The following UBE2E2 variants were observed in gnomAD, a reference collection of about 807,000 sequenced individuals.
UBE2E2 encodes the protein ubiquitin-conjugating enzyme E2 E2.
Under a neutral mutation model 24.7 loss-of-function variants are expected in UBE2E2, and 6 were observed. The observed-to-expected ratio is 0.24, with a 90% CI of 0.13 to 0.48. The LOEUF (loss-of-function observed/expected upper bound fraction) is 0.48. UBE2E2 is among the 20% of genes least tolerant of loss of function. The pLI is 0.99. For missense variants in UBE2E2, 169 were observed against 245.0 expected, an observed-to-expected ratio of 0.69 and a Z score of 2.07; for synonymous variants, 104 against 83.6, an observed-to-expected ratio of 1.24 and a Z score of -1.33.
At chr3:23,504,963 C>T (rs1202484983) in intron 4 of UBE2E2, among the ~76,000 whole-genome samples, 2 of 133,066 alleles carry the variant, frequency 1.5e-5, no homozygotes, top group Non-Finnish European at 3.1e-5. Flanking sequence ...GGCTGGAGTG[C>T]AGTGACGTGA....
chr3:23,274,702 A>G (rs1214643743), intron 3 of UBE2E2, among the ~76,000 whole-genome samples: 2 of 152,062 alleles, frequency 1.3e-5, no homozygotes, highest in Non-Finnish European at 2.9e-5. Context: ...ATTCCTTCAT[A>G]TGTGTGTTCC....
intron 5 of UBE2E2, among the ~76,000 whole-genome samples, chr3:23,557,959 C>T (rs1279533695): frequency 6.6e-6 from 1 of 152,202 alleles, no homozygotes; most frequent in Non-Finnish European, 1.5e-5. Context: ...CATCAACACA[C>T]TAGGTCAGCC....
chr3:23,477,910 TCCC>T (rs1559396066), intron 3 of UBE2E2, among the ~76,000 whole-genome samples: 1 of 152,144 alleles, frequency 6.6e-6, no homozygotes, highest in African/African-American at 2.4e-5. Flanking sequence ...AAGGCGCTTT[TCCC>T]CCTTTGCTCC....
chr3:23,213,235 T>C (rs1373969266), intron 2 of UBE2E2, among the ~76,000 whole-genome samples: 15 of 152,138 alleles, frequency 9.9e-5, no homozygotes, highest in Admixed American at 9.8e-4. Context: ...AAGAAATGTA[T>C]GTGTGTGTTT....
chr3:23,369,532 G>A (rs1696345558), intron 3 of UBE2E2, among the ~76,000 whole-genome samples: 1 of 152,092 alleles, frequency 6.6e-6, no homozygotes, highest in Non-Finnish European at 1.5e-5. Context: ...CTCATTTCCA[G>A]GGACTTGCTC....
intron 4 of UBE2E2, among the ~76,000 whole-genome samples, chr3:23,512,979 G>A (rs1333521299): frequency 6.6e-6 from 1 of 151,992 alleles, no homozygotes; most frequent in Non-Finnish European, 1.5e-5. Context: ...ATCTGTACAT[G>A]TACAGTATAC....
chr3:23,588,410 G>GTTTTTTTTTTTTTTTTTTT (rs199679364), intron 5 of UBE2E2, among the ~76,000 whole-genome samples: 1 of 130,064 alleles, frequency 7.7e-6, no homozygotes, highest in Non-Finnish European at 1.6e-5. Context: ...TTGTTTTTTT[G>GTTTTTTTTTTTTTTTTTTT]TTTTTTTTTT....
At chr3:23,273,419 T>C (rs1247804095) in intron 3 of UBE2E2, among the ~76,000 whole-genome samples, 1 of 151,716 alleles carries the variant, frequency 6.6e-6, no homozygotes. Flanking sequence ...TAGTCCCAGC[T>C]ACTTGGGAGG....
intron 3 of UBE2E2, among the ~76,000 whole-genome samples, chr3:23,416,147 A>T (rs1192905462): frequency 6.6e-6 from 1 of 152,108 alleles, no homozygotes; most frequent in Non-Finnish European, 1.5e-5. Context: ...TCTAACATTG[A>T]TTGGCATTTG....
intron 3 of UBE2E2, among the ~76,000 whole-genome samples, chr3:23,292,867 G>A (rs974870369): frequency 2.6e-5 from 4 of 152,032 alleles, no homozygotes; most frequent in African/African-American, 9.7e-5. Context: ...TGGGGTCAGG[G>A]GTTTGAGACC....
chr3:23,364,399 A>C (rs909863814), intron 3 of UBE2E2, among the ~76,000 whole-genome samples: 1 of 152,130 alleles, frequency 6.6e-6, no homozygotes, highest in Non-Finnish European at 1.5e-5. Context: ...AGAGAGAGAG[A>C]CAGAAGATCC....
At chr3:23,527,034 A>T (rs1405920745) in intron 4 of UBE2E2, among the ~76,000 whole-genome samples, 1 of 152,226 alleles carries the variant, frequency 6.6e-6, no homozygotes, top group Non-Finnish European at 1.5e-5. Flanking sequence ...ACTGTAGAGG[A>T]TATCCAGATA....
intron 3 of UBE2E2, among the ~76,000 whole-genome samples, chr3:23,480,754 TC>T (rs1156558420): frequency 1.3e-5 from 2 of 152,244 alleles, no homozygotes; most frequent in Non-Finnish European, 2.9e-5. Context: ...TTCCTAACTT[TC>T]CAGTAACTGA....
chr3:23,549,017 C>T (rs1257301933), intron 5 of UBE2E2, among the ~76,000 whole-genome samples: 1 of 152,166 alleles, frequency 6.6e-6, no homozygotes, highest in East Asian at 1.9e-4. Context: ...TAGTTCTTGC[C>T]AGTCTCAGCC....
intron 5 of UBE2E2, among the ~76,000 whole-genome samples, chr3:23,588,414 T>TGG (rs1237391784): frequency 1.6e-4 from 22 of 137,870 alleles, no homozygotes; most frequent in Admixed American, 6.3e-4. Context: ...TTTTTTGTTT[T>TGG]TTTTTTTTTG....
intron 3 of UBE2E2, among the ~76,000 whole-genome samples, chr3:23,323,331 G>A (rs780247428): frequency 3.9e-5 from 6 of 151,994 alleles, no homozygotes; most frequent in Non-Finnish European, 7.4e-5. Context: ...GGTTAGTCAT[G>A]GTAGTACTTA....
chr3:23,561,974 A>G (rs573273284), intron 5 of UBE2E2, among the ~76,000 whole-genome samples: 21 of 152,346 alleles, frequency 1.4e-4, no homozygotes, highest in Non-Finnish European at 3.1e-4. Context: ...TTGGGCTGAG[A>G]CAATGGGATT....
At chr3:23,307,148 CTT>C (rs1425008903) in intron 3 of UBE2E2, among the ~76,000 whole-genome samples, 1 of 152,116 alleles carries the variant, frequency 6.6e-6, no homozygotes, top group African/African-American at 2.4e-5. Context: ...CATTTGATGA[CTT>C]TCTGCCTCCC....
intron 3 of UBE2E2, among the ~76,000 whole-genome samples, chr3:23,288,233 T>C (rs535188136): frequency 6.6e-6 from 1 of 152,344 alleles, no homozygotes; most frequent in South Asian, 2.1e-4. Context: ...TGAAAATTCT[T>C]CTCGTTATTG....
Sources: allele counts gnomAD v4.1 joint callset (sites outside exome capture counted in the v4.1 genomes callset), GRCh38; gene constraint gnomAD v4.1.1; transcripts MANE v1.5; gene names NCBI Gene and HGNC (gene_info 2026-07-23, HGNC 2026-07-21).